The following GFI1B variants were observed in gnomAD, a reference collection of about 807,000 sequenced individuals.
GFI1B encodes the protein zinc finger protein Gfi-1b.
GFI1B carries 20 observed loss-of-function variants against 35.3 expected under a neutral mutation model. The observed-to-expected ratio is 0.57, with a 90% CI of 0.40 to 0.82. The LOEUF (loss-of-function observed/expected upper bound fraction) is 0.82. GFI1B is among the 40% of genes least tolerant of loss of function. The pLI, the probability that GFI1B is intolerant of heterozygous loss-of-function variation, is 0.00. For synonymous variants in GFI1B, 178 were observed against 177.6 expected, an observed-to-expected ratio of 1.00 and a Z score of -0.02; for missense variants, 430 against 446.3, an observed-to-expected ratio of 0.96 and a Z score of 0.33.
chr9:132,990,326 G>GTTCAC (rs1849249352), intron 6 of GFI1B, among the ~76,000 whole-genome samples: 1 of 138,084 alleles, frequency 7.2e-6, no homozygotes, highest in African/African-American at 2.7e-5. Context: ...CATTTGTTCA[G>GTTCAC]TCATTCATTC....
At chr9:132,972,013 G>A (rs993301383) in intron 1 of GFI1B, among the ~76,000 whole-genome samples, 4 of 151,064 alleles carry the variant, frequency 2.6e-5, no homozygotes, top group East Asian at 1.9e-4. Context: ...GGTGGCTCAC[G>A]CCTGTAATCC....
At chr9:132,968,128 T>C (rs1412352102) in intron 1 of GFI1B, among the ~76,000 whole-genome samples, 1 of 147,202 alleles carries the variant, frequency 6.8e-6, no homozygotes, top group Non-Finnish European at 1.5e-5. Context: ...ATTTATTTAT[T>C]TGATTTGAGA....
intron 1 of GFI1B, among the ~76,000 whole-genome samples, chr9:132,983,938 CCTT>C (rs963200957): frequency 2.6e-5 from 4 of 152,182 alleles, no homozygotes; most frequent in East Asian, 1.9e-4. Flanking sequence ...GGCTTCAGCT[CCTT>C]CTTTATAAAA....
intron 1 of GFI1B, among the ~76,000 whole-genome samples, chr9:132,979,476 C>T (rs1352097904): frequency 1.3e-5 from 2 of 152,040 alleles, no homozygotes; most frequent in African/African-American, 2.4e-5. Context: ...TGACCTCAAA[C>T]GATCCACCTG....
At chr9:132,949,407 A>G (rs760424692) in intron 1 of GFI1B, among the ~76,000 whole-genome samples, 2 of 151,934 alleles carry the variant, frequency 1.3e-5, no homozygotes, top group Non-Finnish European at 2.9e-5. Context: ...CCTTCCTCAC[A>G]CTGAACCAGC....
chr9:132,971,972 T>TAAAA (rs55710047), intron 1 of GFI1B, among the ~76,000 whole-genome samples: 37 of 130,740 alleles, frequency 2.8e-4, no homozygotes, highest in African/African-American at 8.1e-4. Context: ...AGACTCTGTC[T>TAAAA]AAAAAAAAAA....
In GFI1B at chr9:132,989,090, G is replaced by A. The variant is rs146270572; in HGVS notation, c.540G>A (p.Val180=). The part of the protein sequence containing the change: ...KVFSTPHGLE[V]HVRRSHSGTR... ...TCTCCACCCCTCACGGGCTCGAAGT[G>A]CATGTGCGACGCTCCCATAGTGGGA... Residue 180 remains valine (V), a synonymous_variant, in exon 5 of 7, where the codon GTG becomes GTA. Transcript: ENST00000372122. The surrounding 1 kb of genome is among the most constrained non-coding windows in gnomAD (Gnocchi z 6.2). The A allele has an allele frequency of 6.2e-7, 1 of 1,614,058 alleles. No homozygotes were observed. The highest frequency in any genetic ancestry group is 1.3e-5 in the African/African-American group (1 of 75,050).
intron 1 of GFI1B, among the ~76,000 whole-genome samples, chr9:132,966,772 C>G (rs1459004986): frequency 1.3e-5 from 2 of 152,192 alleles, no homozygotes; most frequent in Non-Finnish European, 2.9e-5. Context: ...GGTGGGACAA[C>G]CTACTGTTAG....
chr9:132,990,894 G>C lies in GFI1B; in HGVS notation c.837G>C (p.Gln279His). 1 of 1,614,216 alleles carries C rather than the reference G, an allele frequency of 6.2e-7. No homozygotes were observed. The part of the protein sequence containing the change: ...IHTGEKPHKC[Q>H]VCGKAFSQSS... ...CAGGTGAGAAGCCGCACAAGTGCCA[G>C]GTGTGCGGAAAGGCCTTCAGCCAGA... The change falls in exon 7 of 7, where the codon CAG becomes CAC. Residue 279 changes from glutamine (Q) to histidine (H), a missense_variant. Physicochemically the swap from Gln to His is conservative, Grantham distance 24 (BLOSUM62 0). Coordinates refer to ENST00000372122, the MANE Select transcript of GFI1B (RefSeq NM_001377304.1).
At chr9:132,976,595 T>C (rs908779924), upstream of GFI1B, 1 of 152,166 alleles carries the variant, frequency 6.6e-6, no homozygotes, top group East Asian at 1.9e-4. Flanking sequence ...CCACTATAAA[T>C]GTAAGTGTGC....
chr9:132,973,411 G>C (rs1046606970), intron 2 of GFI1B, among the ~76,000 whole-genome samples: 2 of 152,264 alleles, frequency 1.3e-5, no homozygotes, highest in Non-Finnish European at 2.9e-5. Context: ...CTGCAGGCCA[G>C]CGTGTGTGCT....
chr9:132,947,426 A>G (rs1250603394), intron 1 of GFI1B, among the ~76,000 whole-genome samples: 2 of 94,182 alleles, frequency 2.1e-5, no homozygotes, highest in Non-Finnish European at 4.9e-5. Context: ...AAAAAAAAAA[A>G]AAAAGAAAGA....
At chr9:132,947,354 C>T (rs1322449270) in intron 1 of GFI1B, 1 of 142,958 alleles carries the variant, frequency 7.0e-6, no homozygotes, top group Non-Finnish European at 1.5e-5. Context: ...AGATGCCCAT[C>T]ATGGAGCTTG....
chr9:132,977,620 C>A (rs1159767364), upstream of GFI1B, among the ~76,000 whole-genome samples: 2 of 152,170 alleles, frequency 1.3e-5, no homozygotes, highest in Non-Finnish European at 2.9e-5. Context: ...TGCAAAACCT[C>A]CTGAAATAAA....
intron 2 of GFI1B, among the ~76,000 whole-genome samples, chr9:132,973,282 C>T (rs1848563303): frequency 6.6e-6 from 1 of 152,222 alleles, no homozygotes; most frequent in Non-Finnish European, 1.5e-5. Context: ...CCCAATATCC[C>T]ACGACCCCCG....
At chr9:132,984,827 G>A (rs902342084) in intron 1 of GFI1B, among the ~76,000 whole-genome samples, 4 of 152,112 alleles carry the variant, frequency 2.6e-5, no homozygotes, top group African/African-American at 7.2e-5. Context: ...GGGCCAGGGG[G>A]AAGCAGGCCT....
intron 1 of GFI1B, among the ~76,000 whole-genome samples, chr9:132,946,168 G>A (rs1227512014): frequency 4.6e-5 from 7 of 152,304 alleles, no homozygotes; most frequent in Admixed American, 3.9e-4. Flanking sequence ...TTAGGAGGGA[G>A]GTGAAAATTG....
At position 132,987,245 on chromosome 9, in the gene GFI1B, C is replaced by T. The variant is rs633153; in HGVS notation, c.101-37C>T. On this transcript the variant is annotated intron_variant, in intron 2 of 6. Transcript: ENST00000372122. ...TGCTCCCTCTGGGCTTCCCAGAAAC[C>T]GTGGCTATTGATGCTGATGGTCCTA... The T allele has an allele frequency of 0.55, 875,025 of 1,604,082 alleles. 242,632 individuals carry two copies. The highest frequency in any genetic ancestry group is 0.62 in the Admixed American group (36,596 of 58,576).
intron 1 of GFI1B, chr9:132,951,647 C>G (rs1040360007): frequency 6.6e-6 from 1 of 152,236 alleles, no homozygotes; most frequent in African/African-American, 2.4e-5. Context: ...CGCAGTCCCC[C>G]TCTCCTCACA....
Sources: allele counts gnomAD v4.1 joint callset (sites outside exome capture counted in the v4.1 genomes callset), GRCh38; gene constraint gnomAD v4.1.1; non-coding constraint Gnocchi (gnomAD v3.1); transcripts MANE v1.5; gene names NCBI Gene and HGNC (gene_info 2026-07-23, HGNC 2026-07-21).